Variants in ANXA3 observed in about 807,000 individuals in gnomAD.
ANXA3 encodes the protein 35-alpha calcimedin.
A neutral mutation model predicts 48.8 loss-of-function variants in ANXA3; 46 were observed. The ratio of observed to expected loss-of-function variants is 0.94; its 90% confidence interval spans 0.74 to 1.21. The LOEUF (loss-of-function observed/expected upper bound fraction) is 1.21, where lower values mean the gene tolerates loss of function less well. ANXA3 is among the 50% of genes most tolerant of loss of function. The pLI is 0.00. For missense variants in ANXA3, 383 were observed against 378.6 expected, an observed-to-expected ratio of 1.01 and a Z score of -0.10; for synonymous variants, 128 against 134.7, an observed-to-expected ratio of 0.95 and a Z score of 0.35.
chr4:78,590,039 AAT>A (rs1473065490), intron 6 of ANXA3, among the ~76,000 whole-genome samples: 4 of 152,186 alleles, frequency 2.6e-5, no homozygotes, highest in African/African-American at 9.7e-5. Context: ...AGGTTGAAAT[AAT>A]TTTTTACTCT....
At chr4:78,600,455 G>A (rs941827745) in intron 10 of ANXA3, among the ~76,000 whole-genome samples, 2 of 152,176 alleles carry the variant, frequency 1.3e-5, no homozygotes, top group Admixed American at 6.5e-5. Flanking sequence ...TTAATAGGAT[G>A]AAAGTGGGCA....
chr4:78,571,634 A>G lies in ANXA3; in HGVS notation c.16-1546A>G, dbSNP rs146444067. 1.4e-3 allele frequency among the ~76,000 whole-genome samples: 214 copies of G among 152,364 alleles called. 1 individual carries two copies. Among genetic ancestry groups the G allele is most frequent in the African/African-American group, 4.9e-3 (202 of 41,594 alleles). ...AGCCAATACTATTCAGTAACAGGAT[A>G]GAAAAATGCTGTTTAAAAGGAAATA... On this transcript the variant is annotated intron_variant, in intron 2 of 12. Transcript: ENST00000264908.
chr4:78,592,401 A>G (rs1238050003), intron 7 of ANXA3, among the ~76,000 whole-genome samples: 2 of 152,238 alleles, frequency 1.3e-5, no homozygotes, highest in Admixed American at 6.5e-5. Flanking sequence ...GCATTATGCC[A>G]TTAGGAAGCG....
At chr4:78,576,071 C>T (rs1578395649) in intron 3 of ANXA3, among the ~76,000 whole-genome samples, 1 of 152,108 alleles carries the variant, frequency 6.6e-6, no homozygotes, top group African/African-American at 2.4e-5. Context: ...ATTTGGCCCT[C>T]CCAACACCAC....
intron 10 of ANXA3, 134 bp from the exon 11 acceptor site, chr4:78,601,376 A>G (rs1344149641): frequency 2.8e-6 from 2 of 709,360 alleles, no homozygotes; most frequent in Non-Finnish European, 4.7e-6. Flanking sequence ...TTTCATTCCA[A>G]GTAAAAGCCA....
chr4:78,592,961 T>C (rs1578401386), intron 7 of ANXA3, among the ~76,000 whole-genome samples: 1 of 152,240 alleles, frequency 6.6e-6, no homozygotes, highest in Non-Finnish European at 1.5e-5. Context: ...AAGGACCTAA[T>C]GTTTAAAAAT....
At chr4:78,563,032 G>A (rs1722655858) in intron 2 of ANXA3, among the ~76,000 whole-genome samples, 2 of 152,064 alleles carry the variant, frequency 1.3e-5, no homozygotes, top group African/African-American at 4.8e-5. Flanking sequence ...TCCTCCAAGG[G>A]CCACAGAGAG....
At chr4:78,574,377 G>A (rs2109932984) in intron 3 of ANXA3, among the ~76,000 whole-genome samples, 1 of 152,246 alleles carries the variant, frequency 6.6e-6, no homozygotes, top group South Asian at 2.1e-4. Flanking sequence ...CTGTGATTGT[G>A]CCACTGCACT....
chr4:78,604,249 T>A, intron 11 of ANXA3, 28 bp from the exon 12 acceptor site: 1 of 1,579,584 alleles, frequency 6.3e-7, no homozygotes, highest in South Asian at 1.1e-5. Flanking sequence ...ATGACATTTG[T>A]GTTGTGAACA....
chr4:78,588,102 A>T (rs1723215058), intron 6 of ANXA3, among the ~76,000 whole-genome samples: 1 of 151,872 alleles, frequency 6.6e-6, no homozygotes, highest in African/African-American at 2.4e-5. Flanking sequence ...TCTCAAAAGA[A>T]TTGCTTAAGC....
At chr4:78,578,131 A>C (rs1170928933) in intron 3 of ANXA3, among the ~76,000 whole-genome samples, 2 of 151,624 alleles carry the variant, frequency 1.3e-5, no homozygotes, top group Non-Finnish European at 2.9e-5. Context: ...TAAAAAAAAA[A>C]TTAGCTGGGC....
chr4:78,562,352 T>G (rs1156264281), intron 2 of ANXA3, among the ~76,000 whole-genome samples: 1 of 152,232 alleles, frequency 6.6e-6, no homozygotes, highest in East Asian at 1.9e-4. Flanking sequence ...AGATCTTTAT[T>G]TCTTTCATTT....
At chr4:78,565,224 C>T (rs1266313351) in intron 2 of ANXA3, among the ~76,000 whole-genome samples, 3 of 152,112 alleles carry the variant, frequency 2.0e-5, no homozygotes, top group Non-Finnish European at 4.4e-5. Flanking sequence ...GAACTCCTGA[C>T]CTCAGGTGAT....
At chr4:78,577,126 A>G (rs990951356) in intron 3 of ANXA3, among the ~76,000 whole-genome samples, 1 of 152,222 alleles carries the variant, frequency 6.6e-6, no homozygotes, top group Non-Finnish European at 1.5e-5. Flanking sequence ...ATTTTTAAAC[A>G]TTTACTTAGG....
At chr4:78,609,470 A>G (rs1430673388) in intron 12 of ANXA3, among the ~76,000 whole-genome samples, 3 of 152,184 alleles carry the variant, frequency 2.0e-5, no homozygotes, top group Admixed American at 6.6e-5. Context: ...GAACTGATAA[A>G]CATATTCTTT....
chr4:78,578,926 C>T lies in ANXA3; in HGVS notation c.104-101C>T, dbSNP rs1578396715. On this transcript the variant is annotated intron_variant, in intron 3 of 12. Transcript: ENST00000264908. ...AGATAAGATGCTAGAAATTAAAATGCCTTACTCTCTGCATTTGTCTCAGGC... is the reference window on the plus strand; with the variant it reads ...AGATAAGATGCTAGAAATTAAAATGTCTTACTCTCTGCATTTGTCTCAGGC... 3.4e-5 allele frequency: 17 copies of T among 501,142 alleles called. No homozygotes were observed. In the East Asian group the frequency reaches 5.1e-4, roughly 15 times the overall value. The allele number at this position is 501,142 out of a possible 1,614,324, so 31.0% of individuals were successfully genotyped here.
intron 1 of ANXA3, chr4:78,552,332 A>G (rs1302811808): frequency 6.6e-6 from 1 of 152,220 alleles, no homozygotes; most frequent in Non-Finnish European, 1.5e-5. Flanking sequence ...TGGACTTGGA[A>G]TCGCACCCAT....
intron 1 of ANXA3, among the ~76,000 whole-genome samples, chr4:78,553,667 A>G (rs796656307): frequency 1.2e-4 from 18 of 152,332 alleles, no homozygotes; most frequent in African/African-American, 3.4e-4. Context: ...TAGGCTACAG[A>G]GAGCCTGAAA....
intron 5 of ANXA3, among the ~76,000 whole-genome samples, chr4:78,585,578 G>C (rs996794075): frequency 2.6e-5 from 4 of 152,224 alleles, no homozygotes; most frequent in Admixed American, 2.6e-4. Flanking sequence ...AATGTACCAA[G>C]TTAAAAGTTG....
Sources: gnomAD v4.1 joint callset for allele counts (sites outside exome capture counted in the v4.1 genomes callset) on GRCh38, gnomAD v4.1.1 for gene constraint, MANE v1.5 for transcripts, NCBI Gene and HGNC (gene_info 2026-07-23, HGNC 2026-07-21) for gene names.